DBN1: variants seen among roughly 807,000 people sequenced by gnomAD.
DBN1 encodes the protein drebrin 1, also known as drebrin.
In DBN1, 21 loss-of-function variants were observed where a neutral mutation model predicts 83.5. The observed-to-expected ratio is 0.25, with a 90% CI of 0.18 to 0.36. The LOEUF is 0.36. Ranked by LOEUF, DBN1 falls within the 10% of genes least tolerant of loss-of-function variation. DBN1 has a pLI of 1.00. For synonymous variants in DBN1, 381 were observed against 384.9 expected, an observed-to-expected ratio of 0.99 and a Z score of 0.12; for missense variants, 874 against 935.7, an observed-to-expected ratio of 0.93 and a Z score of 0.86.
intron 8 of DBN1, chr5:177,462,301 C>G: frequency 4.1e-6 from 4 of 985,580 alleles, no homozygotes; most frequent in Non-Finnish European, 4.8e-6. Flanking sequence ...CCGTTCCCAC[C>G]TCCAAGCCTC....
intron 1 of DBN1, among the ~76,000 whole-genome samples, chr5:177,469,116 G>A (rs900796655): frequency 2.0e-5 from 3 of 152,138 alleles, no homozygotes; most frequent in African/African-American, 7.2e-5. Flanking sequence ...GGCAGTGAGG[G>A]GAGAAATTGC....
chr5:177,462,594 C>T (rs1047475877), intron 8 of DBN1, among the ~76,000 whole-genome samples: 3 of 152,198 alleles, frequency 2.0e-5, no homozygotes, highest in Admixed American at 2.0e-4. Context: ...ACAAGGCGGG[C>T]GCATGTTTGC....
At chr5:177,461,862 C>T (rs944469943) in intron 8 of DBN1, among the ~76,000 whole-genome samples, 1 of 152,218 alleles carries the variant, frequency 6.6e-6, no homozygotes, top group African/African-American at 2.4e-5. Context: ...ATATGACCCA[C>T]AGATGGCTTT....
Position 177,458,485 on chromosome 5 carries a change from G to A in DBN1, c.1487C>T (p.Ala496Val). The A allele has an allele frequency of 6.2e-7, 1 of 1,613,774 alleles. No individual in the cohort carries two copies. Among genetic ancestry groups the A allele is most frequent in the African/African-American group, 1.3e-5 (1 of 75,034 alleles). The change falls in exon 13 of 15, where the codon GCT (alanine) becomes GTT (valine). Residue 496 changes from alanine (A) to valine (V), a missense_variant. Ala to Val is a moderately conservative substitution (Grantham distance 64). This residue lies in a region of DBN1 where 725 missense variants were observed against 719.7 expected (regional missense o/e 1.01). Transcript: ENST00000393565. Reference protein sequence around the residue: ...TADATEIHDAADTIETDTATA... With the variant: ...TADATEIHDAVDTIETDTATA... The stretch of plus-strand genomic sequence containing the variant: ...GGCAGTGTCAGTTTCAATGGTGTCA[G>A]CTGCATCGTGGATCTCCGTGGCGTC...
In DBN1 at chr5:177,466,623, C is replaced by A; in HGVS notation, c.771+149G>T. On this transcript the variant is annotated intron_variant, in intron 8 of 14. Coordinates refer to ENST00000393565, the MANE Select transcript of DBN1 (RefSeq NM_001363541.2). The surrounding 1 kb of genome is among the most constrained non-coding windows in gnomAD (Gnocchi z 4.8). Reference sequence around the variant, plus strand: ...AGCCCCACGTGATGAGGTGCCAGGCCTCATGCTCCATGGCACCCTGTGCCC... The same window carrying A: ...AGCCCCACGTGATGAGGTGCCAGGCATCATGCTCCATGGCACCCTGTGCCC... 1.1e-6 allele frequency: 1 copy of A among 877,468 alleles called. No individual in the cohort carries two copies. Among genetic ancestry groups the A allele is most frequent in the Non-Finnish European group, 1.9e-6 (1 of 530,606 alleles). The allele number at this position is 877,468 out of a possible 1,614,324, so 54.4% of individuals were successfully genotyped here.
At chr5:177,462,117 T>C (rs1256707686) in intron 8 of DBN1, 1 of 608,410 alleles carries the variant, frequency 1.6e-6, no homozygotes. Context: ...ACTGCACACG[T>C]TGTTTTGGGT....
At position 177,458,634 on chromosome 5, in the gene DBN1, G is replaced by T; in HGVS notation, c.1338C>A (p.Pro446=). The part of the protein sequence containing the change: ...RAAAPQAWAG[P]MEEPPQAQAP... The stretch of plus-strand genomic sequence containing the variant: ...CCTGTGCCTGAGGGGGCTCCTCCAT[G>T]GGGCCGGCCCAGGCCTGAGGGGCTG... The change falls in exon 13 of 15, where the codon CCC becomes CCA. Residue 446 remains proline (P), a synonymous_variant. Coordinates refer to ENST00000393565, the MANE Select transcript of DBN1 (RefSeq NM_001363541.2). The T allele has an allele frequency of 6.2e-7, 1 of 1,604,138 alleles. No individual in the cohort carries two copies. Among genetic ancestry groups the T allele is most frequent in the East Asian group, 2.2e-5 (1 of 44,826 alleles).
At chr5:177,460,969 G>A (rs907423973) in intron 8 of DBN1, among the ~76,000 whole-genome samples, 1 of 151,782 alleles carries the variant, frequency 6.6e-6, no homozygotes, top group African/African-American at 2.4e-5. Context: ...GGTAGAGATG[G>A]GGTCTCCCTA....
At chr5:177,462,533 C>T (rs977647643) in intron 8 of DBN1, 20 of 389,450 alleles carry the variant, frequency 5.1e-5, no homozygotes, top group Non-Finnish European at 6.0e-5. Flanking sequence ...CTCCCCCCTC[C>T]GCTGTGAGCA....
At position 177,458,719 on chromosome 5, in the gene DBN1, C is replaced by T. The variant is rs949474071; in HGVS notation, c.1265-12G>A. 2.0e-6 allele frequency: 3 copies of T among 1,503,092 alleles called. No individual in the cohort carries two copies. The highest frequency in any genetic ancestry group is 2.6e-6 in the Non-Finnish European group (3 of 1,133,442). The allele number at this position is 1,503,092 out of a possible 1,614,324, so 93.1% of individuals were successfully genotyped here. On this transcript the variant is annotated splice_polypyrimidine_tract_variant and intron_variant, in intron 12 of 14. Transcript: ENST00000393565. ...GGGCTCCTGGGTCTCTGTCACAGCA[C>T]AGGCAGAGGAGATATGTAACCGGCT... is the stretch of plus-strand genomic sequence containing the variant.
intron 13 of DBN1, 92 bp downstream of exon 13, chr5:177,457,966 G>C (rs765394201): frequency 5.8e-6 from 9 of 1,542,264 alleles, no homozygotes; most frequent in Non-Finnish European, 7.2e-6. Context: ...ACAGAGAAGG[G>C]GGTACTGGTG....
At chr5:177,470,684 G>A (rs552912185) in intron 1 of DBN1, among the ~76,000 whole-genome samples, 2 of 152,224 alleles carry the variant, frequency 1.3e-5, no homozygotes, top group African/African-American at 2.4e-5. Context: ...TCTACCCCAC[G>A]CCTATTCCCA....
At chr5:177,464,931 G>A (rs1224162400) in intron 8 of DBN1, among the ~76,000 whole-genome samples, 2 of 151,998 alleles carry the variant, frequency 1.3e-5, no homozygotes, top group Non-Finnish European at 2.9e-5. Flanking sequence ...GAGGTGGGCA[G>A]ATCATGAGGT....
rs1351890495 is a variant in DBN1 at position 177,466,549 on chromosome 5, T to C, written c.771+223A>G. Among the ~76,000 whole-genome samples the C allele has an allele frequency of 6.6e-6, 1 of 152,158 alleles. No individual in the cohort carries two copies. The highest frequency in any genetic ancestry group is 2.4e-5 in the African/African-American group (1 of 41,428). On this transcript the variant is annotated intron_variant, in intron 8 of 14. Coordinates refer to ENST00000393565, the MANE Select transcript of DBN1 (RefSeq NM_001363541.2). The surrounding 1 kb of genome is among the most constrained non-coding windows in gnomAD (Gnocchi z 4.8). The stretch of plus-strand genomic sequence containing the variant: ...TCTAGATGGAGTTTCTCTTCCAATC[T>C]AGAGCACAAGCTTCTCCAAAGTAGT...
At chr5:177,472,045 C>A in intron 1 of DBN1, 1 of 1,513,446 alleles carries the variant, frequency 6.6e-7, no homozygotes, top group East Asian at 2.5e-5. Context: ...GATCTCAGCC[C>A]CCCTGGGGCA....
chr5:177,472,540 A>C, intron 1 of DBN1: 3 of 665,192 alleles, frequency 4.5e-6, no homozygotes, highest in Non-Finnish European at 2.1e-6. Flanking sequence ...GGGAGACAAC[A>C]GCTGGGGGGC....
At chr5:177,458,761 G>C in intron 12 of DBN1, 54 bp from the exon 13 acceptor site, 1 of 1,414,322 alleles carries the variant, frequency 7.1e-7, no homozygotes, top group Non-Finnish European at 9.3e-7. Context: ...GGGGAGGATG[G>C]AGACCCTGCC....
Position 177,459,028 on chromosome 5 carries a change from A to G in DBN1, c.1264+70T>C, listed in dbSNP as rs1391236161. The stretch of plus-strand genomic sequence containing the variant: ...CCCAGATCCCTGGAGAACGGTTACC[A>G]TGGCAACCTGGGGCTCCCAGCCAGG... On this transcript the variant is annotated intron_variant, in intron 12 of 14. Coordinates refer to ENST00000393565, the MANE Select transcript of DBN1 (RefSeq NM_001363541.2). The G allele has an allele frequency of 2.0e-6, 3 of 1,537,306 alleles. No individual in the cohort carries two copies. In the African/African-American group the frequency reaches 4.2e-5, roughly 21 times the overall value.
In DBN1 at chr5:177,467,898, G is replaced by A. The variant is rs542124172; in HGVS notation, c.256-81C>T. 23 of 1,540,020 alleles carry A rather than the reference G, an allele frequency of 1.5e-5. No individual in the cohort carries two copies. The East Asian group carries it at 4.6e-4, about 31-fold the overall frequency. ...ATAGGGTGCATCTTCCCCGGGGTGG[G>A]AAGAGGGTGGGCTTCCCTCTCCACG... is the stretch of plus-strand genomic sequence containing the variant. On this transcript the variant is annotated intron_variant, in intron 3 of 14. Transcript: ENST00000393565. The surrounding 1 kb of genome is among the most constrained non-coding windows in gnomAD (Gnocchi z 9.1).
Sources: gnomAD v4.1 joint callset for allele counts (sites outside exome capture counted in the v4.1 genomes callset) on GRCh38, gnomAD v4.1.1 for gene constraint, gnomAD v4.1.1 regional missense constraint, Gnocchi (gnomAD v3.1) non-coding constraint, MANE v1.5 for transcripts, NCBI Gene and HGNC (gene_info 2026-07-23, HGNC 2026-07-21) for gene names.